The following ACVR1C variants were observed in gnomAD, a reference collection of about 807,000 sequenced individuals.
The protein encoded by ACVR1C is activin receptor type-1C.
Under a neutral mutation model 57.9 loss-of-function variants are expected in ACVR1C, and 23 were observed. The observed-to-expected ratio is 0.40, with a 90% CI of 0.29 to 0.56. The LOEUF (loss-of-function observed/expected upper bound fraction) is 0.56, where lower values mean the gene tolerates loss of function less well. Ranked by LOEUF, ACVR1C falls within the 20% of genes least tolerant of loss-of-function variation. ACVR1C has a pLI of 0.50. For synonymous variants in ACVR1C, 214 were observed against 215.3 expected (o/e 0.99, Z 0.05); for missense variants, 480 against 607.9 (o/e 0.79, Z 2.21).
chr2:157,580,597 A>G (rs1688767908), intron 2 of ACVR1C, among the ~76,000 whole-genome samples: 1 of 152,238 alleles, frequency 6.6e-6, no homozygotes. Context: ...GCTGAATAAA[A>G]TATCAATAAT....
At chr2:157,566,132 C>G (rs1417325698) in intron 2 of ACVR1C, among the ~76,000 whole-genome samples, 1 of 152,128 alleles carries the variant, frequency 6.6e-6, no homozygotes, top group Non-Finnish European at 1.5e-5. Flanking sequence ...CTGTAAATAA[C>G]TTAGATAGTA....
intron 2 of ACVR1C, among the ~76,000 whole-genome samples, chr2:157,581,009 A>G (rs1179898385): frequency 6.6e-6 from 1 of 152,204 alleles, no homozygotes; most frequent in Non-Finnish European, 1.5e-5. Context: ...TGTATCCCTT[A>G]CAGGCAGGCT....
intron 2 of ACVR1C, among the ~76,000 whole-genome samples, chr2:157,570,430 G>A (rs1380247232): frequency 3.7e-5 from 3 of 81,544 alleles, no homozygotes; most frequent in East Asian, 5.9e-4. Context: ...AATTGTCCCC[G>A]TTTGCAGACG....
At chr2:157,593,150 A>G (rs910581897) in intron 1 of ACVR1C, among the ~76,000 whole-genome samples, 2 of 152,116 alleles carry the variant, frequency 1.3e-5, no homozygotes, top group African/African-American at 2.4e-5. Context: ...ATTCCTAACC[A>G]ACCAGAAAAT....
chr2:157,601,818 G>C (rs923615425), intron 1 of ACVR1C, among the ~76,000 whole-genome samples: 1 of 152,060 alleles, frequency 6.6e-6, no homozygotes, highest in African/African-American at 2.4e-5. Context: ...TGATGAAGTA[G>C]GGATAATAAT....
intron 2 of ACVR1C, among the ~76,000 whole-genome samples, chr2:157,580,813 G>A (rs1177299784): frequency 6.6e-6 from 1 of 152,040 alleles, no homozygotes; most frequent in African/African-American, 2.4e-5. Context: ...ACAGTGAAAG[G>A]TCAGATCAGC....
At chr2:157,607,463 T>C (rs1333093661) in intron 1 of ACVR1C, among the ~76,000 whole-genome samples, 1 of 151,774 alleles carries the variant, frequency 6.6e-6, no homozygotes, top group Non-Finnish European at 1.5e-5. Context: ...TCTTTTTTGA[T>C]TCCATATGAA....
chr2:157,554,260 A>AAAGAAAGAAAGAAAGAAAGG (rs1688016699), intron 3 of ACVR1C, among the ~76,000 whole-genome samples: 1 of 131,318 alleles, frequency 7.6e-6, no homozygotes, highest in Non-Finnish European at 1.6e-5. Flanking sequence ...AGAAAGAAAG[A>AAAGAAAGAAAGAAAGAAAGG]AAGAAAGAAA....
intron 2 of ACVR1C, among the ~76,000 whole-genome samples, chr2:157,563,606 G>GA (rs1202730478): frequency 6.6e-6 from 1 of 152,136 alleles, no homozygotes; most frequent in African/African-American, 2.4e-5. Flanking sequence ...CACAGAATTA[G>GA]AAAAAACTAC....
intron 2 of ACVR1C, among the ~76,000 whole-genome samples, chr2:157,579,001 A>C (rs1400254398): frequency 6.6e-6 from 1 of 152,250 alleles, no homozygotes; most frequent in East Asian, 1.9e-4. Context: ...TTAACATTAA[A>C]TTAAATTCAG....
At chr2:157,626,561 C>A (rs990471686) in intron 1 of ACVR1C, among the ~76,000 whole-genome samples, 1 of 152,144 alleles carries the variant, frequency 6.6e-6, no homozygotes, top group African/African-American at 2.4e-5. Context: ...CCAACAACAG[C>A]AAGTACATGT....
intron 2 of ACVR1C, among the ~76,000 whole-genome samples, chr2:157,576,025 G>T (rs1293131147): frequency 6.6e-6 from 1 of 151,828 alleles, no homozygotes; most frequent in Non-Finnish European, 1.5e-5. Flanking sequence ...GAAATATAAT[G>T]AATATACAGA....
In ACVR1C at chr2:157,529,312, A is replaced by G. The variant is rs1449749636; in HGVS notation, c.*4606T>C. ...CCCCAGTGGTTGCCTACTTAGCTCAACAACCATTCTACAACTCTTTCTTAG... is the reference window on the plus strand; with the variant it reads ...CCCCAGTGGTTGCCTACTTAGCTCAGCAACCATTCTACAACTCTTTCTTAG... On this transcript the variant is annotated 3_prime_UTR_variant, in exon 9 of 9. Coordinates refer to ENST00000243349, the MANE Select transcript of ACVR1C (RefSeq NM_145259.3). The G allele has an allele frequency of 4.6e-5, 7 of 152,100 alleles. No homozygotes were observed. The highest frequency in any genetic ancestry group is 1.0e-4 in the Non-Finnish European group (7 of 67,976). 9.4% of individuals were successfully genotyped at this position (152,100 alleles called of 1,614,324 possible).
chr2:157,538,460 G>A lies in ACVR1C; in HGVS notation c.1356+113C>T, dbSNP rs73968457. 1.4e-3 allele frequency: 1,463 copies of A among 1,018,716 alleles called. 12 individuals are homozygous for A. In the African/African-American group the frequency reaches 0.022, roughly 15 times the overall value. 63.1% of individuals were successfully genotyped at this position (1,018,716 alleles called of 1,614,324 possible). The stretch of plus-strand genomic sequence containing the variant: ...TCCTTCTGAAGACTTATAAAAAGAC[G>A]TATGTCTACATATATGGAATGAATT... On this transcript the variant is annotated intron_variant, in intron 8 of 8. Coordinates refer to ENST00000243349, the MANE Select transcript of ACVR1C (RefSeq NM_145259.3).
chr2:157,578,842 T>C (rs1051660318), intron 2 of ACVR1C, among the ~76,000 whole-genome samples: 2 of 152,220 alleles, frequency 1.3e-5, no homozygotes, highest in African/African-American at 4.8e-5. Context: ...GTTCATTGAT[T>C]AACACTGAAT....
chr2:157,549,091 C>A (rs972047199), intron 4 of ACVR1C, among the ~76,000 whole-genome samples: 1 of 152,150 alleles, frequency 6.6e-6, no homozygotes, highest in African/African-American at 2.4e-5. Flanking sequence ...CGGGGTGGCT[C>A]AAGCCTGTAA....
chr2:157,627,533 A>C (rs557215982), intron 1 of ACVR1C, among the ~76,000 whole-genome samples: 1 of 152,344 alleles, frequency 6.6e-6, no homozygotes, highest in Non-Finnish European at 1.5e-5. Context: ...CAATCATATC[A>C]TTCAAATCAT....
rs1491411690 is a variant in ACVR1C, at chr2:157,554,272, G to GAAAGAAAGA, written c.544+1820_544+1821insTCTTTCTTT. Reference sequence around the variant, plus strand: ...GAAAGAAAGAAAGAAAGAAAGAAAGGAAGGAAGGAAGAGAGAGAGAGAGAG... The same window carrying GAAAGAAAGA: ...GAAAGAAAGAAAGAAAGAAAGAAAGGAAAGAAAGAAAGGAAGGAAGAGAGAGAGAGAGAG... On this transcript the variant is annotated intron_variant, in intron 3 of 8. Transcript: ENST00000243349. Among the ~76,000 whole-genome samples, 285 of 47,414 alleles carry GAAAGAAAGA rather than the reference G, an allele frequency of 6.0e-3. 2 individuals are homozygous for GAAAGAAAGA. The highest frequency in any genetic ancestry group is 0.021 in the Middle Eastern group (2 of 94). The allele number at this position is 47,414 out of a possible 152,430, so 31.1% of individuals were successfully genotyped here. A position where few individuals can be genotyped will look rare whatever the true frequency, so the allele number is the denominator to read the frequency against.
At chr2:157,611,545 T>G (rs1182631318) in intron 1 of ACVR1C, among the ~76,000 whole-genome samples, 10 of 151,918 alleles carry the variant, frequency 6.6e-5, no homozygotes, top group Admixed American at 6.6e-5. Context: ...GTGGGTGGGT[T>G]CTTGGGCCCC....
Sources: allele counts gnomAD v4.1 joint callset (sites outside exome capture counted in the v4.1 genomes callset), GRCh38; gene constraint gnomAD v4.1.1; transcripts MANE v1.5; gene names NCBI Gene and HGNC (gene_info 2026-07-23, HGNC 2026-07-21).